The following TATDN1 variants were observed in gnomAD, a reference collection of about 807,000 sequenced individuals.
TATDN1 encodes the protein TatD DNase domain containing 1, also known as deoxyribonuclease TATDN1.
In TATDN1, 40 loss-of-function variants were observed where a neutral mutation model predicts 46.4. That is an observed-to-expected ratio of 0.86 (90% confidence interval 0.67 to 1.12). The LOEUF (loss-of-function observed/expected upper bound fraction) is 1.12. Ranked by LOEUF, TATDN1 falls within the 50% of genes most tolerant of loss-of-function variation. TATDN1 has a pLI of 0.00. For missense variants in TATDN1, 326 were observed against 348.4 expected, an observed-to-expected ratio of 0.94 and a Z score of 0.51; for synonymous variants, 95 against 105.6, an observed-to-expected ratio of 0.90 and a Z score of 0.62.
intron 1 of TATDN1, among the ~76,000 whole-genome samples, chr8:124,533,251 C>CAAA (rs138393666): frequency 1.1e-5 from 1 of 93,404 alleles, no homozygotes; most frequent in African/African-American, 4.0e-5. Context: ...GACTCTGTCT[C>CAAA]AAAAAAAAAA....
chr8:124,534,886 G>A (rs530810202), intron 1 of TATDN1, among the ~76,000 whole-genome samples: 9 of 152,280 alleles, frequency 5.9e-5, no homozygotes, highest in Admixed American at 1.3e-4. Flanking sequence ...AGCAGCTCAC[G>A]GAACTCAGGA....
chr8:124,507,829 T>A (rs937174097), intron 8 of TATDN1, among the ~76,000 whole-genome samples: 2 of 148,060 alleles, frequency 1.4e-5, no homozygotes, highest in African/African-American at 2.5e-5. Context: ...ACAAAAAAAA[T>A]TTCACAGGGT....
intron 11 of TATDN1, among the ~76,000 whole-genome samples, chr8:124,492,195 G>A (rs1466429960): frequency 2.6e-5 from 4 of 151,904 alleles, no homozygotes; most frequent in Non-Finnish European, 5.9e-5. Context: ...GGCTGGTCTC[G>A]AGCACCTGAC....
At position 124,493,945 on chromosome 8, in the gene TATDN1, C is replaced by T. The variant is rs149319033; in HGVS notation, c.679G>A (p.Gly227Arg). Residue 227 changes from glycine to arginine, a missense_variant, in exon 11 of 12, where the codon GGA (glycine) becomes AGA (arginine). By Grantham distance (125) the Gly-to-Arg change is moderately radical. Transcript: ENST00000276692. ...LMIETDAPWC[G>R]VKSTHAGSKY... ...GATCCAGCATGTGTACTTTTGACTC[C>T]ACACCAAGGTGCATCTAGTTAAGCA... 2 of 1,609,246 alleles carry T rather than the reference C, an allele frequency of 1.2e-6. No homozygotes were observed. Among genetic ancestry groups the T allele is most frequent in the African/African-American group, 2.7e-5 (2 of 74,670 alleles).
intron 3 of TATDN1, among the ~76,000 whole-genome samples, chr8:124,520,298 G>T (rs530003870): frequency 6.6e-6 from 1 of 152,104 alleles, no homozygotes; most frequent in Middle Eastern, 3.4e-3. Flanking sequence ...TTAGCCAGGC[G>T]TGGTGGCAGG....
chr8:124,520,550 T>C (rs1413654512), intron 3 of TATDN1, among the ~76,000 whole-genome samples: 1 of 151,726 alleles, frequency 6.6e-6, no homozygotes, highest in African/African-American at 2.4e-5. Flanking sequence ...TTACGTAAAA[T>C]ACTAACCAAG....
chr8:124,534,253 A>G (rs548141239), intron 1 of TATDN1, among the ~76,000 whole-genome samples: 1 of 152,084 alleles, frequency 6.6e-6, no homozygotes, highest in South Asian at 2.1e-4. Context: ...CCTCTAAGCT[A>G]AGAATGACTT....
At chr8:124,535,339 C>T (rs550419698) in intron 1 of TATDN1, among the ~76,000 whole-genome samples, 1 of 152,162 alleles carries the variant, frequency 6.6e-6, no homozygotes, top group Non-Finnish European at 1.5e-5. Context: ...ATAGAGATCA[C>T]GTGGCCCTCA....
At chr8:124,499,765 C>T (rs752116919) in intron 9 of TATDN1, among the ~76,000 whole-genome samples, 2 of 151,552 alleles carry the variant, frequency 1.3e-5, no homozygotes, top group African/African-American at 2.4e-5. Flanking sequence ...AGGATGGTCT[C>T]GATCTCTTGA....
Position 124,515,985 on chromosome 8 carries a change from T to C in TATDN1, c.248A>G (p.Glu83Gly). 6.2e-7 allele frequency: 1 copy of C among 1,613,792 alleles called. No individual in the cohort carries two copies. Among genetic ancestry groups the C allele is most frequent in the South Asian group, 1.1e-5 (1 of 91,020 alleles). ...AAGATCAGGGTTATTCTTTTCAAAT[T>C]CACCACATCTTGTAGGATGACATCC... ...TVGCHPTRCGEFEKNNPDLYL... is the reference protein window; with the variant it reads ...TVGCHPTRCGGFEKNNPDLYL... The change falls in exon 5 of 12, where the codon GAA (glutamate) becomes GGA (glycine). Residue 83 changes from glutamate to glycine, a missense_variant. Glu to Gly is a moderately conservative substitution (Grantham distance 98). Transcript: ENST00000276692.
chr8:124,496,187 C>T (rs1280895593), intron 9 of TATDN1, among the ~76,000 whole-genome samples: 1 of 152,204 alleles, frequency 6.6e-6, no homozygotes, highest in African/African-American at 2.4e-5. Flanking sequence ...AACACAATTT[C>T]TCTAATCACA....
intron 3 of TATDN1, chr8:124,521,605 T>A (rs1820054845): frequency 6.6e-6 from 1 of 152,312 alleles, no homozygotes; most frequent in Admixed American, 6.5e-5. Flanking sequence ...TAGCATAGTA[T>A]GGAATTTAAC....
chr8:124,526,919 G>T (rs950035159), intron 1 of TATDN1: 1 of 152,200 alleles, frequency 6.6e-6, no homozygotes, highest in Non-Finnish European at 1.5e-5. Context: ...AAATACGGGG[G>T]ATTAGAGAAC....
chr8:124,509,021 A>G (rs767318942), intron 6 of TATDN1, among the ~76,000 whole-genome samples: 2 of 152,228 alleles, frequency 1.3e-5, no homozygotes, highest in Admixed American at 1.3e-4. Context: ...ACTGCATGCT[A>G]ATCTATTCCA....
chr8:124,504,450 T>G, intron 8 of TATDN1, 103 bp from the exon 9 acceptor site: 1 of 639,930 alleles, frequency 1.6e-6, no homozygotes, highest in Non-Finnish European at 2.4e-6. Flanking sequence ...TCCCTGTAAG[T>G]TTTTGGACCT....
chr8:124,502,672 G>A lies in TATDN1; in HGVS notation c.593+1599C>T, dbSNP rs565190513. Among the ~76,000 whole-genome samples, 17 of 126,984 alleles carry A rather than the reference G, an allele frequency of 1.3e-4. No individual in the cohort carries two copies. In the South Asian group the frequency reaches 4.0e-3, roughly 30 times the overall value. The allele number at this position is 126,984 out of a possible 152,430, so 83.3% of individuals were successfully genotyped here. On this transcript the variant is annotated intron_variant, in intron 9 of 11. Coordinates refer to ENST00000276692, the MANE Select transcript of TATDN1 (RefSeq NM_032026.4). ...CACATGGAAGGGTCTGCAACTGACG[G>A]AACTATTAGATTATCTACATAGGTT...
intron 6 of TATDN1, among the ~76,000 whole-genome samples, chr8:124,511,210 G>A (rs913318424): frequency 5.9e-5 from 9 of 152,156 alleles, no homozygotes; most frequent in African/African-American, 1.9e-4. Context: ...GCTTCTTACA[G>A]TTGAGGTTTA....
At chr8:124,502,477 T>C (rs1818059203) in intron 9 of TATDN1, among the ~76,000 whole-genome samples, 2 of 152,308 alleles carry the variant, frequency 1.3e-5, no homozygotes, top group Admixed American at 1.3e-4. Flanking sequence ...AATCGTGTAG[T>C]TGCTCATCAC....
rs1563670902 is a variant in TATDN1 at position 124,515,797 on chromosome 8, A to G, written c.347-9T>C. ...CTGCAGTCGGTCAAAATCTTTAAAA[A>G]GATAAAGAAGAATAATTACTCCTAA... On this transcript the variant is annotated splice_polypyrimidine_tract_variant and intron_variant, in intron 5 of 11. Coordinates refer to ENST00000276692, the MANE Select transcript of TATDN1 (RefSeq NM_032026.4). The G allele has an allele frequency of 6.2e-7, 1 of 1,613,774 alleles. No individual in the cohort carries two copies. Among genetic ancestry groups the G allele is most frequent in the Admixed American group, 1.7e-5 (1 of 59,982 alleles).
Sources: gnomAD v4.1 joint callset for allele counts (sites outside exome capture counted in the v4.1 genomes callset) on GRCh38, gnomAD v4.1.1 for gene constraint, MANE v1.5 for transcripts, NCBI Gene and HGNC (gene_info 2026-07-23, HGNC 2026-07-21) for gene names.